The following ZBTB20 variants were observed in gnomAD, a reference collection of about 807,000 sequenced individuals.
ZBTB20 encodes zinc finger and BTB domain containing 20.
Under a neutral mutation model 56.9 loss-of-function variants are expected in ZBTB20, and 9 were observed. That is an observed-to-expected ratio of 0.16 (90% CI 0.10 to 0.28). ZBTB20 has a LOEUF of 0.28. Ranked by LOEUF, ZBTB20 falls within the 10% of genes least tolerant of loss-of-function variation. ZBTB20 has a pLI of 1.00. For missense variants in ZBTB20, 655 were observed against 1,003.0 expected (o/e 0.65, Z 4.69); for synonymous variants, 417 against 420.7 (o/e 0.99, Z 0.11).
At chr3:114,813,522 G>A (rs2072704577) in intron 4 of ZBTB20, among the ~76,000 whole-genome samples, 1 of 152,190 alleles carries the variant, frequency 6.6e-6, no homozygotes, top group Admixed American at 6.5e-5. Context: ...AGGCTGAGAT[G>A]GGTAGATCAC....
rs79861891 is a variant in ZBTB20, at chr3:115,024,316, A to G, written c.-507+46903T>C. On this transcript the variant is annotated intron_variant, in intron 2 of 11. Coordinates refer to ENST00000675478, the MANE Select transcript of ZBTB20 (RefSeq NM_001348800.3). The stretch of plus-strand genomic sequence containing the variant: ...ATGTATTAGGCCTTCTTTGACACGG[A>G]AGAGCTTACAACCTAGGTGGAGAGG... Among the ~76,000 whole-genome samples, 588 of 151,112 alleles carry G rather than the reference A, an allele frequency of 3.9e-3. 4 individuals are homozygous for G. The highest frequency in any genetic ancestry group is 0.013 in the African/African-American group (548 of 41,394).
At position 114,977,637 on chromosome 3, in the gene ZBTB20, A is replaced by C. The variant is rs897706974; in HGVS notation, c.-506-3221T>G. 3.7e-4 allele frequency among the ~76,000 whole-genome samples: 57 copies of C among 152,192 alleles called. 1 individual carries two copies. The highest frequency in any genetic ancestry group is 1.4e-3 in the African/African-American group (57 of 41,440). ...CTCTAATTCTTATCAGTACTAAAAT[A>C]TAAATCAGGTCAATAAAACTCAATA... On this transcript the variant is annotated intron_variant, in intron 2 of 11. Coordinates refer to ENST00000675478, the MANE Select transcript of ZBTB20 (RefSeq NM_001348800.3).
At chr3:114,532,519 C>G (rs2047965778) in intron 6 of ZBTB20, among the ~76,000 whole-genome samples, 1 of 152,218 alleles carries the variant, frequency 6.6e-6, no homozygotes, top group South Asian at 2.1e-4. Context: ...TCCCATCTCC[C>G]TGGGACAGAG....
At chr3:114,986,265 C>T (rs2078536617) in intron 2 of ZBTB20, among the ~76,000 whole-genome samples, 1 of 152,066 alleles carries the variant, frequency 6.6e-6, no homozygotes, top group Non-Finnish European at 1.5e-5. Flanking sequence ...CTTGGCATTA[C>T]ATTTTGGCCT....
chr3:114,645,026 TTTA>T (rs1312213105), intron 6 of ZBTB20, among the ~76,000 whole-genome samples: 2 of 152,032 alleles, frequency 1.3e-5, no homozygotes, highest in Admixed American at 6.6e-5. Context: ...ATCATATACA[TTTA>T]TTATTAATAT....
rs1489540664 is a variant in ZBTB20, at chr3:114,977,182, A to G, written c.-506-2766T>C. 3.3e-5 allele frequency among the ~76,000 whole-genome samples: 5 copies of G among 152,304 alleles called. No homozygotes were observed. The East Asian group carries it at 9.6e-4, about 29-fold the overall frequency. On this transcript the variant is annotated intron_variant, in intron 2 of 11. Coordinates refer to ENST00000675478, the MANE Select transcript of ZBTB20 (RefSeq NM_001348800.3). ...TCAGATTAACACATTTTTCCAGTGA[A>G]GGGACATTGCTACACAGATATCTGA...
intron 2 of ZBTB20, among the ~76,000 whole-genome samples, chr3:115,008,943 AACC>A (rs2108251603): frequency 6.6e-6 from 1 of 152,066 alleles, no homozygotes; most frequent in South Asian, 2.1e-4. Context: ...TATGCTCACA[AACC>A]ATGAATATTA....
At chr3:114,821,132 G>T (rs978388878) in intron 4 of ZBTB20, among the ~76,000 whole-genome samples, 1 of 152,090 alleles carries the variant, frequency 6.6e-6, no homozygotes, top group Non-Finnish European at 1.5e-5. Context: ...TTAAAAAATA[G>T]CTGCCAAAGT....
At chr3:114,753,413 G>GTATATATA (rs67371620) in intron 5 of ZBTB20, among the ~76,000 whole-genome samples, 688 of 47,596 alleles carry the variant, frequency 0.014, 128 homozygotes, top group African/African-American at 0.026. Flanking sequence ...ATACACACAC[G>GTATATATA]TATATATATA....
chr3:114,813,926 T>TA (rs1451237237), intron 4 of ZBTB20, among the ~76,000 whole-genome samples: 3 of 152,180 alleles, frequency 2.0e-5, no homozygotes, highest in Non-Finnish European at 4.4e-5. Context: ...TTCACAGTAA[T>TA]AAGATGTTGT....
chr3:115,137,711 T>C (rs2084689391), intron 1 of ZBTB20, among the ~76,000 whole-genome samples: 1 of 152,052 alleles, frequency 6.6e-6, no homozygotes, highest in Non-Finnish European at 1.5e-5. Flanking sequence ...GTATATAATA[T>C]TTTACCCCTC....
At chr3:114,810,527 C>T (rs2072443613) in intron 4 of ZBTB20, among the ~76,000 whole-genome samples, 1 of 152,086 alleles carries the variant, frequency 6.6e-6, no homozygotes, top group Non-Finnish European at 1.5e-5. Context: ...ACTACTGATA[C>T]AATGGAACTG....
intron 1 of ZBTB20, among the ~76,000 whole-genome samples, chr3:115,085,537 A>C (rs1432248415): frequency 6.6e-6 from 1 of 152,012 alleles, no homozygotes; most frequent in East Asian, 1.9e-4. Flanking sequence ...AGCAAAAACT[A>C]ATTTGTGGCT....
At chr3:114,748,632 G>C (rs537912937) in intron 5 of ZBTB20, among the ~76,000 whole-genome samples, 1 of 152,148 alleles carries the variant, frequency 6.6e-6, no homozygotes, top group Middle Eastern at 3.4e-3. Context: ...ACTGCATAAA[G>C]GCAAAGAGGA....
intron 7 of ZBTB20, among the ~76,000 whole-genome samples, chr3:114,409,966 T>C (rs1295088193): frequency 1.3e-5 from 2 of 152,176 alleles, no homozygotes; most frequent in Non-Finnish European, 2.9e-5. Context: ...AGAATATCTC[T>C]ACTAGTTCTA....
At chr3:114,715,672 G>A (rs943602079) in intron 5 of ZBTB20, among the ~76,000 whole-genome samples, 3 of 152,180 alleles carry the variant, frequency 2.0e-5, no homozygotes, top group Admixed American at 6.5e-5. Flanking sequence ...AGGTTACTTC[G>A]TCTTGCTTCA....
chr3:114,765,464 G>A (rs908551177), intron 5 of ZBTB20, among the ~76,000 whole-genome samples: 2 of 152,062 alleles, frequency 1.3e-5, no homozygotes, highest in African/African-American at 2.4e-5. Context: ...GAATTCCAAC[G>A]ATTGCCATAA....
chr3:114,639,418 G>A (rs953720202), intron 6 of ZBTB20, among the ~76,000 whole-genome samples: 3 of 151,522 alleles, frequency 2.0e-5, no homozygotes, highest in African/African-American at 7.3e-5. Context: ...GCTGCATTAT[G>A]TAAGGAATCT....
Position 114,468,092 on chromosome 3 carries a change from T to C in ZBTB20, c.-255+32260A>G, listed in dbSNP as rs778420162. ...TTTTAAAGTTTTGAATATTTTTTTATGTCACCAAAAGGTGCTTTAGAAGAA... is the reference window on the plus strand; with the variant it reads ...TTTTAAAGTTTTGAATATTTTTTTACGTCACCAAAAGGTGCTTTAGAAGAA... On this transcript the variant is annotated intron_variant, in intron 7 of 11. Transcript: ENST00000675478. 1.2e-4 allele frequency among the ~76,000 whole-genome samples: 18 copies of C among 152,360 alleles called. 1 individual carries two copies. The highest frequency in any genetic ancestry group is 2.6e-4 in the Admixed American group (4 of 15,304).
Sources: gnomAD v4.1 joint callset for allele counts (sites outside exome capture counted in the v4.1 genomes callset) on GRCh38, gnomAD v4.1.1 for gene constraint, MANE v1.5 for transcripts, NCBI Gene and HGNC (gene_info 2026-07-23, HGNC 2026-07-21) for gene names.